The following HOXC10 variants were observed in gnomAD, a reference collection of about 807,000 sequenced individuals.
HOXC10 encodes homeobox C10.
Under a neutral mutation model 26.0 loss-of-function variants are expected in HOXC10, and 15 were observed. That is an observed-to-expected ratio of 0.58 (90% confidence interval 0.39 to 0.89). The LOEUF is 0.89. Ranked by LOEUF, HOXC10 falls within the 40% of genes least tolerant of loss-of-function variation. The pLI, the probability that HOXC10 is intolerant of heterozygous loss-of-function variation, is 0.00. For synonymous variants in HOXC10, 196 were observed against 185.5 expected (o/e 1.06, Z -0.46); for missense variants, 446 against 451.9 (o/e 0.99, Z 0.12).
chr12:53,989,135 G>C (rs1176045084), intron 1 of HOXC10, 34 bp from the exon 2 acceptor site: 1 of 1,567,348 alleles, frequency 6.4e-7, no homozygotes. Flanking sequence ...TCGACTTCGA[G>C]GGATACTTAT....
Position 53,985,187 on chromosome 12 carries a change from C to A in HOXC10, c.-73C>A. The A allele has an allele frequency of 8.0e-7, 1 of 1,252,880 alleles. No homozygotes were observed. The highest frequency in any genetic ancestry group is 1.0e-6 in the Non-Finnish European group (1 of 970,900). 77.6% of individuals were successfully genotyped at this position (1,252,880 alleles called of 1,614,324 possible). On this transcript the variant is annotated 5_prime_UTR_variant, in exon 1 of 2. Transcript: ENST00000303460. ...CCTCCCCTCCAACCGCGCCCCCCCT[C>A]CCGGATGGGGAAAAAAAAAGATGTC...
Position 53,989,402 on chromosome 12 carries a change from G to C in HOXC10, c.985G>C (p.Glu329Gln). ...RRMKLKKMNR[E>Q]NRIRELTSNF... is the part of the protein sequence containing the mutation. Reference sequence around the variant, plus strand: ...AATGAAACTCAAGAAAATGAACCGAGAGAATCGGATCCGGGAACTGACCTC... The same window carrying C: ...AATGAAACTCAAGAAAATGAACCGACAGAATCGGATCCGGGAACTGACCTC... Residue 329 changes from glutamate (E) to glutamine (Q), a missense_variant, in exon 2 of 2, where the codon GAG (glutamate) becomes CAG (glutamine). Physicochemically the swap from Glu to Gln is conservative, Grantham distance 29. Transcript: ENST00000303460. 1 of 1,613,984 alleles carries C rather than the reference G, an allele frequency of 6.2e-7. No individual in the cohort carries two copies. The highest frequency in any genetic ancestry group is 1.3e-5 in the African/African-American group (1 of 75,016).
chr12:53,987,472 C>T (rs1939456276), intron 1 of HOXC10, among the ~76,000 whole-genome samples: 1 of 152,184 alleles, frequency 6.6e-6, no homozygotes, highest in South Asian at 2.1e-4. Context: ...TCGTTTGGCA[C>T]GTGTGCAGTG....
At chr12:53,988,872 C>G (rs1475014717) in intron 1 of HOXC10, among the ~76,000 whole-genome samples, 1 of 152,206 alleles carries the variant, frequency 6.6e-6, no homozygotes, top group Non-Finnish European at 1.5e-5. Context: ...CTGCCAGGGT[C>G]AGCCAGCTGG....
At position 53,990,138 on chromosome 12, in the gene HOXC10, A is replaced by C. The variant is rs1939497265; in HGVS notation, c.*692A>C. 1.5e-5 allele frequency: 1 copy of C among 68,022 alleles called. No homozygotes were observed. The highest frequency in any genetic ancestry group is 5.0e-5 in the African/African-American group (1 of 20,020). The allele number at this position is 68,022 out of a possible 1,614,324, so 4.2% of individuals were successfully genotyped here. On this transcript the variant is annotated 3_prime_UTR_variant, in exon 2 of 2. Coordinates refer to ENST00000303460, the MANE Select transcript of HOXC10 (RefSeq NM_017409.4). ...TAGAACATAGCAAAGCAAAGACAGA[A>C]TGCCCCCCCCCCCAAATATTGTCCT... is the stretch of plus-strand genomic sequence containing the variant.
chr12:53,989,508 C>A lies in HOXC10; in HGVS notation c.*62C>A. 6.7e-7 allele frequency: 1 copy of A among 1,489,844 alleles called. No homozygotes were observed. Among genetic ancestry groups the A allele is most frequent in the South Asian group, 1.3e-5 (1 of 75,328 alleles). 92.3% of individuals were successfully genotyped at this position (1,489,844 alleles called of 1,614,324 possible). A position where few individuals can be genotyped will look rare whatever the true frequency, so the allele number is the denominator to read the frequency against. Reference sequence around the variant, plus strand: ...TCTCCCCGCCCCTCCTCCCTTTGTGCCTGGTGATATATTTTTTTTTCCTCC... The same window carrying A: ...TCTCCCCGCCCCTCCTCCCTTTGTGACTGGTGATATATTTTTTTTTCCTCC... On this transcript the variant is annotated 3_prime_UTR_variant, in exon 2 of 2. Coordinates refer to ENST00000303460, the MANE Select transcript of HOXC10 (RefSeq NM_017409.4).
chr12:53,986,849 GA>G (rs1464895986), intron 1 of HOXC10, among the ~76,000 whole-genome samples: 1 of 152,182 alleles, frequency 6.6e-6, no homozygotes, highest in Non-Finnish European at 1.5e-5. Context: ...GCTTTGGTTG[GA>G]TTTCACTGTA....
At position 53,989,457 on chromosome 12, in the gene HOXC10, T is replaced by C. The variant is rs373631729; in HGVS notation, c.*11T>C. On this transcript the variant is annotated 3_prime_UTR_variant, in exon 2 of 2. Coordinates refer to ENST00000303460, the MANE Select transcript of HOXC10 (RefSeq NM_017409.4). Reference sequence around the variant, plus strand: ...TTTAATTTCACCTGAGAGCGCGGCCTCTCCTCCTCCCTTCCCGCTCCTTCC... The same window carrying C: ...TTTAATTTCACCTGAGAGCGCGGCCCCTCCTCCTCCCTTCCCGCTCCTTCC... 6 of 1,606,018 alleles carry C rather than the reference T, an allele frequency of 3.7e-6. No homozygotes were observed. In the African/African-American group the frequency reaches 5.4e-5, roughly 14 times the overall value.
intron 1 of HOXC10, among the ~76,000 whole-genome samples, chr12:53,988,872 C>A (rs1475014717): frequency 2.0e-5 from 3 of 152,206 alleles, no homozygotes; most frequent in Non-Finnish European, 4.4e-5. Flanking sequence ...CTGCCAGGGT[C>A]AGCCAGCTGG....
Position 53,986,230 on chromosome 12 carries a change from C to A in HOXC10, c.751+220C>A, listed in dbSNP as rs920462467. ...CGTGGAGGTGTCGGCCCTGCCCCGG[C>A]CATGGGTGCTAAGGCGGGGGCGGTG... On this transcript the variant is annotated intron_variant, in intron 1 of 1. Transcript: ENST00000303460. The A allele has an allele frequency of 1.1e-5, 6 of 548,488 alleles. No individual in the cohort carries two copies. In the Admixed American group the frequency reaches 1.1e-4, roughly 10 times the overall value. The allele number at this position is 548,488 out of a possible 1,614,324, so 34.0% of individuals were successfully genotyped here. A position where few individuals can be genotyped will look rare whatever the true frequency, so the allele number is the denominator to read the frequency against.
At position 53,989,490 on chromosome 12, in the gene HOXC10, G is replaced by A. The variant is rs1048812575; in HGVS notation, c.*44G>A. On this transcript the variant is annotated 3_prime_UTR_variant, in exon 2 of 2. Coordinates refer to ENST00000303460, the MANE Select transcript of HOXC10 (RefSeq NM_017409.4). ...TCCCTTCCCGCTCCTTCCTCTCCCC[G>A]CCCCTCCTCCCTTTGTGCCTGGTGA... 2 of 1,561,388 alleles carry A rather than the reference G, an allele frequency of 1.3e-6. No homozygotes were observed. Among genetic ancestry groups the A allele is most frequent in the Non-Finnish European group, 1.7e-6 (2 of 1,150,088 alleles).
chr12:53,986,591 A>T (rs1273788270), intron 1 of HOXC10: 1 of 152,268 alleles, frequency 6.6e-6, no homozygotes, highest in Non-Finnish European at 1.5e-5. Flanking sequence ...GCGAGGCTGG[A>T]GCCGGAAGAG....
Position 53,985,342 on chromosome 12 carries a change from G to A in HOXC10, c.83G>A (p.Ser28Asn). Residue 28 changes from serine to asparagine, a missense_variant, in exon 1 of 2, where the codon AGC becomes AAC. Ser to Asn is a conservative substitution (Grantham distance 46). Coordinates refer to ENST00000303460, the MANE Select transcript of HOXC10 (RefSeq NM_017409.4). ...GGCGGAGGAGAGCGCTATAGCCGGA[G>A]CGCAGGCATGTATATGCAGTCTGGG... is the stretch of plus-strand genomic sequence containing the variant. ...APGGGERYSR[S>N]AGMYMQSGSD... 6.2e-7 allele frequency: 1 copy of A among 1,613,392 alleles called. No homozygotes were observed. Among genetic ancestry groups the A allele is most frequent in the South Asian group, 1.1e-5 (1 of 91,010 alleles).
chr12:53,988,141 C>T (rs546685051), intron 1 of HOXC10, among the ~76,000 whole-genome samples: 1 of 152,254 alleles, frequency 6.6e-6, no homozygotes, highest in South Asian at 2.1e-4. Context: ...GTTTTTTGCC[C>T]TTAAAAAGAT....
At position 53,985,905 on chromosome 12, in the gene HOXC10, A is replaced by T. The variant is rs1429940611; in HGVS notation, c.646A>T (p.Thr216Ser). ...GACCCCCAGCCCCAATGAAATCAAG[A>T]CGGAGCAGAGCCTGGCGGGCCCTAA... The part of the protein sequence containing the change: ...SQTPSPNEIK[T>S]EQSLAGPKGS... Residue 216 changes from threonine to serine, a missense_variant, in exon 1 of 2, where the codon ACG becomes TCG. Physicochemically the swap from Thr to Ser is moderately conservative, Grantham distance 58. Coordinates refer to ENST00000303460, the MANE Select transcript of HOXC10 (RefSeq NM_017409.4). The T allele has an allele frequency of 6.2e-7, 1 of 1,613,614 alleles. No homozygotes were observed. The highest frequency in any genetic ancestry group is 8.5e-7 in the Non-Finnish European group (1 of 1,180,002).
chr12:53,987,032 T>C (rs1480468549), intron 1 of HOXC10, among the ~76,000 whole-genome samples: 2 of 152,130 alleles, frequency 1.3e-5, no homozygotes, highest in Admixed American at 1.3e-4. Context: ...TGAAAAGTTG[T>C]AGCAAGAGCC....
rs773818088 is a variant in HOXC10 at position 53,989,214 on chromosome 12, A to G, written c.797A>G (p.Lys266Arg). 1 of 1,611,150 alleles carries G rather than the reference A, an allele frequency of 6.2e-7. No individual in the cohort carries two copies. Among genetic ancestry groups the G allele is most frequent in the East Asian group, 2.2e-5 (1 of 44,864 alleles). The change falls in exon 2 of 2, where the codon AAG (lysine) becomes AGG (arginine). Residue 266 changes from lysine to arginine, a missense_variant. Lys to Arg is a conservative substitution (Grantham distance 26). Transcript: ENST00000303460. ...ACCACAGGAAATTGGCTGACAGCAA[A>G]GAGCGGAAGGAAGAAGAGGTGCCCC... ...ENTTGNWLTA[K>R]SGRKKRCPYT...
In HOXC10 at chr12:53,989,263, A is replaced by G; in HGVS notation, c.846A>G (p.Glu282=). The G allele has an allele frequency of 6.2e-7, 1 of 1,614,236 alleles. No individual in the cohort carries two copies. The highest frequency in any genetic ancestry group is 8.5e-7 in the Non-Finnish European group (1 of 1,180,012). ...CCTATACTAAACACCAGACGCTGGA[A>G]TTGGAGAAAGAATTTCTGTTCAATA... ...RCPYTKHQTL[E]LEKEFLFNMY... The change falls in exon 2 of 2, where the codon GAA becomes GAG. Residue 282 remains glutamate, a synonymous_variant. Transcript: ENST00000303460.
intron 1 of HOXC10, chr12:53,986,252 G>T: frequency 2.2e-6 from 1 of 457,756 alleles, no homozygotes; most frequent in Non-Finnish European, 3.8e-6. Flanking sequence ...AGGCGGGGGC[G>T]GTGCGCACCG....
Sources: allele counts gnomAD v4.1 joint callset (sites outside exome capture counted in the v4.1 genomes callset), GRCh38; gene constraint gnomAD v4.1.1; transcripts MANE v1.5; gene names NCBI Gene and HGNC (gene_info 2026-07-23, HGNC 2026-07-21).